Variants in AGAP6 observed in about 807,000 individuals in gnomAD.
The protein encoded by AGAP6 is ArfGAP with GTPase domain, ankyrin repeat and PH domain 6.
AGAP6 carries 29 observed loss-of-function variants against 63.9 expected under a neutral mutation model. The ratio of observed to expected loss-of-function variants is 0.45; its 90% confidence interval spans 0.34 to 0.62. AGAP6 has a LOEUF of 0.62. Among genes scored for constraint, AGAP6 ranks in the 20% least tolerant of loss-of-function variants. The pLI, the probability that AGAP6 is intolerant of heterozygous loss-of-function variation, is 0.01. For synonymous variants in AGAP6, 199 were observed against 332.9 expected, an observed-to-expected ratio of 0.60 and a Z score of 4.38; for missense variants, 493 against 884.9, an observed-to-expected ratio of 0.56 and a Z score of 5.62.
At chr10:50,004,199 A>G (rs1237148222) in intron 5 of AGAP6, among the ~76,000 whole-genome samples, 2 of 144,668 alleles carry the variant, frequency 1.4e-5, no homozygotes, top group Admixed American at 6.9e-5. Context: ...CACCCCCCCA[A>G]AAAAAAATTA....
chr10:49,994,339 C>T (rs1564707812), intron 3 of AGAP6, 56 bp from the exon 4 acceptor site: 1 of 1,475,688 alleles, frequency 6.8e-7, no homozygotes, highest in Non-Finnish European at 9.1e-7. Context: ...TTAACAACTA[C>T]TTTTATTTTA....
chr10:50,010,375 A>G lies in AGAP6; in HGVS notation c.*189A>G. On this transcript the variant is annotated 3_prime_UTR_variant, in exon 8 of 8. Coordinates refer to ENST00000412531, the MANE Select transcript of AGAP6 (RefSeq NM_001077665.3). ...AAGACGTATTTTATGTCCTTCTGCC[A>G]AGGTGGATTTGTTAGTCTCAGGCCC... 1 of 1,279,650 alleles carries G rather than the reference A, an allele frequency of 7.8e-7. No homozygotes were observed. Among genetic ancestry groups the G allele is most frequent in the Non-Finnish European group, 1.1e-6 (1 of 928,482 alleles). 79.3% of individuals were successfully genotyped at this position (1,279,650 alleles called of 1,614,324 possible). A position where few individuals can be genotyped will look rare whatever the true frequency, so the allele number is the denominator to read the frequency against.
chr10:50,005,530 G>C (rs1554863728), intron 6 of AGAP6, among the ~76,000 whole-genome samples: 3 of 152,186 alleles, frequency 2.0e-5, no homozygotes, highest in Non-Finnish European at 4.4e-5. Context: ...AGAACCGCTT[G>C]AACTTGGGAG....
intron 4 of AGAP6, among the ~76,000 whole-genome samples, chr10:49,994,961 C>CAAAAA (rs536082046): frequency 4.7e-5 from 3 of 63,194 alleles, no homozygotes; most frequent in African/African-American, 6.8e-5. Context: ...AACTCTGTCT[C>CAAAAA]AAAAAAAAAA....
chr10:49,991,880 A>G (rs1841294432), intron 3 of AGAP6, 136 bp downstream of exon 3: 1 of 1,369,780 alleles, frequency 7.3e-7, no homozygotes, highest in South Asian at 1.3e-5. Flanking sequence ...TTATTTTAAT[A>G]TGTGATATAC....
rs368862947 is a variant in AGAP6, at chr10:50,006,004, C to T, written c.533+1284C>T. ...AAGGTGTATTTTTAAAGTTTTCAGACAGTTGTGGGTATTTGTTAACACTAA... is the reference window on the plus strand; with the variant it reads ...AAGGTGTATTTTTAAAGTTTTCAGATAGTTGTGGGTATTTGTTAACACTAA... On this transcript the variant is annotated intron_variant, in intron 6 of 7. Coordinates refer to ENST00000412531, the MANE Select transcript of AGAP6 (RefSeq NM_001077665.3). Among the ~76,000 whole-genome samples the T allele has an allele frequency of 6.3e-4, 94 of 150,024 alleles. No individual in the cohort carries two copies. In the South Asian group the frequency reaches 9.1e-3, roughly 15 times the overall value.
intron 5 of AGAP6, among the ~76,000 whole-genome samples, chr10:50,003,382 G>GT (rs1196290561): frequency 6.6e-6 from 1 of 151,576 alleles, no homozygotes; most frequent in Non-Finnish European, 1.5e-5. Context: ...CTTATGCAAG[G>GT]TTTTTTTCAA....
chr10:50,004,796 G>T, intron 6 of AGAP6, 76 bp downstream of exon 6: 1 of 616,652 alleles, frequency 1.6e-6, no homozygotes. Flanking sequence ...TTAGGTCACA[G>T]CTCTAGACAT....
intron 2 of AGAP6, among the ~76,000 whole-genome samples, 170 bp from the exon 3 acceptor site, chr10:49,991,506 A>G (rs1323846506): frequency 2.0e-5 from 3 of 151,800 alleles, no homozygotes; most frequent in Non-Finnish European, 2.9e-5. Context: ...CTGGGACTAC[A>G]AGCATGTGCC....
rs558377926 is a variant in AGAP6, at chr10:49,995,583, A to G, written c.396+1154A>G. Among the ~76,000 whole-genome samples the G allele has an allele frequency of 2.8e-4, 42 of 152,160 alleles. No individual in the cohort carries two copies. In the East Asian group the frequency reaches 7.3e-3, roughly 27 times the overall value. Reference sequence around the variant, plus strand: ...TTTGGCCTTTTGTCATCCTAGTTCAATATAGCGTGGGTTTCCCTAGATATG... The same window carrying G: ...TTTGGCCTTTTGTCATCCTAGTTCAGTATAGCGTGGGTTTCCCTAGATATG... On this transcript the variant is annotated intron_variant, in intron 4 of 7. Transcript: ENST00000412531.
chr10:49,994,352 G>A (rs1554861596), intron 3 of AGAP6, 43 bp from the exon 4 acceptor site: 2 of 1,500,656 alleles, frequency 1.3e-6, no homozygotes, highest in Non-Finnish European at 1.8e-6. Context: ...TTATTTTATG[G>A]TATTTGTATC....
chr10:50,004,879 T>C (rs1318043089), intron 6 of AGAP6, among the ~76,000 whole-genome samples, 159 bp downstream of exon 6: 2 of 152,250 alleles, frequency 1.3e-5, no homozygotes, highest in African/African-American at 4.8e-5. Context: ...AAGACTCTCA[T>C]AATTCTTAAA....
At chr10:49,988,996 A>T (rs558246581) in intron 1 of AGAP6, 58 bp downstream of exon 1, 2 of 1,599,108 alleles carry the variant, frequency 1.3e-6, no homozygotes, top group Non-Finnish European at 1.7e-6. Context: ...TGCTGTCCCC[A>T]TGGTTCCCTT....
rs1445006454 is a variant in AGAP6, at chr10:50,003,836, A to T, written c.498-849A>T. ...GTTGAATTAAATGTCACATAAGGTC[A>T]TTGGTCCTTTCCAGCATGTAACTTT... On this transcript the variant is annotated intron_variant, in intron 5 of 7. Transcript: ENST00000412531. Among the ~76,000 whole-genome samples, 286 of 152,332 alleles carry T rather than the reference A, an allele frequency of 1.9e-3. 3 individuals carry two copies. The highest frequency in any genetic ancestry group is 6.3e-3 in the African/African-American group (263 of 41,574).
chr10:49,992,145 A>C (rs1273732913), intron 3 of AGAP6, among the ~76,000 whole-genome samples: 6 of 151,570 alleles, frequency 4.0e-5, no homozygotes, highest in South Asian at 4.2e-4. Flanking sequence ...ATTTAAACAA[A>C]TTAAAAAACA....
rs782677874 is a variant in AGAP6 at position 50,009,798 on chromosome 10, C to A, written c.1673C>A (p.Ser558Tyr). Residue 558 changes from serine to tyrosine, a missense_variant, in exon 8 of 8, where the codon TCC becomes TAC. Ser to Tyr is a moderately radical substitution (Grantham distance 144). Around this residue, in one of 7 missense-constraint regions of AGAP6, gnomAD observed 87 missense variants for 92.9 expected, o/e 0.94. Transcript: ENST00000412531. ...SQGQTKPSEK[S>Y]TREEKERWIR... ...GGGCAGACAAAACCCTCAGAAAAGT[C>A]CACGAGGGAAGAGAAGGAACGGTGG... The A allele has an allele frequency of 4.3e-6, 7 of 1,613,570 alleles. No homozygotes were observed. The highest frequency in any genetic ancestry group is 5.9e-6 in the Non-Finnish European group (7 of 1,179,962).
rs183111383 is a variant in AGAP6 at position 50,008,008 on chromosome 10, G to C, written c.534-17G>C. 1.2e-4 allele frequency: 191 copies of C among 1,611,760 alleles called. 3 individuals are homozygous for C. Among genetic ancestry groups the C allele is most frequent in the South Asian group, 7.7e-4 (70 of 90,970 alleles). On this transcript the variant is annotated splice_polypyrimidine_tract_variant and intron_variant, in intron 6 of 7. Transcript: ENST00000412531. The stretch of plus-strand genomic sequence containing the variant: ...ATATTAACAGTTTTTGAAGTAATGC[G>C]CTTTCTTATTTTATAGAGATGCAGA...
At chr10:49,989,083 T>C (rs1269823409) in intron 1 of AGAP6, 145 bp downstream of exon 1, 3 of 1,520,508 alleles carry the variant, frequency 2.0e-6, no homozygotes, top group South Asian at 1.2e-5. Flanking sequence ...AAAAGCTGGC[T>C]CTGCCTTGAA....
chr10:50,008,722 G>A lies in AGAP6; in HGVS notation c.597G>A (p.Val199=). 1 of 1,614,066 alleles carries A rather than the reference G, an allele frequency of 6.2e-7. No individual in the cohort carries two copies. Among genetic ancestry groups the A allele is most frequent in the South Asian group, 1.1e-5 (1 of 91,074 alleles). The change falls in exon 8 of 8, where the codon GTG becomes GTA. Residue 199 remains valine, a synonymous_variant. Coordinates refer to ENST00000412531, the MANE Select transcript of AGAP6 (RefSeq NM_001077665.3). The stretch of plus-strand genomic sequence containing the variant: ...CCTGTTCCACACAGGTTTCCACCGT[G>A]CACATTATGAAGAAAAGAAATGGAG... ...EQLHSFAVST[V]HIMKKRNGGG... is the part of the protein sequence containing the mutation.
Sources: allele counts gnomAD v4.1 joint callset (sites outside exome capture counted in the v4.1 genomes callset), GRCh38; gene constraint gnomAD v4.1.1; regional missense constraint gnomAD v4.1.1; transcripts MANE v1.5; gene names NCBI Gene and HGNC (gene_info 2026-07-23, HGNC 2026-07-21).